Variants in SCRG1 observed in about 807,000 individuals in gnomAD.
SCRG1 encodes the protein scrapie-responsive protein 1.
Under a neutral mutation model 7.7 loss-of-function variants are expected in SCRG1, and 3 were observed. That is an observed-to-expected ratio of 0.39 (90% confidence interval 0.18 to 1.01). The LOEUF is 1.01. Among genes scored for constraint, SCRG1 ranks in the 50% least tolerant of loss-of-function variants. The pLI is 0.36. For missense variants in SCRG1, 110 were observed against 117.2 expected (o/e 0.94, Z 0.28); for synonymous variants, 46 against 41.2 (o/e 1.12, Z -0.44).
chr4:173,412,445 G>A, the SCRG1 span, among the ~76,000 whole-genome samples: 3,373 of 152,222 alleles, frequency 0.022, 114 homozygotes, highest in African/African-American at 0.072. Context: ...CCATGTTGAT[G>A]CCTTGATTCC....
chr4:173,488,234 T>C, the SCRG1 span, among the ~76,000 whole-genome samples: 3 of 152,152 alleles, frequency 2.0e-5, no homozygotes, highest in Admixed American at 2.0e-4. Context: ...TAGGAATAAG[T>C]GGCAAGTCCT....
upstream of SCRG1, among the ~76,000 whole-genome samples, chr4:173,409,329 C>T (rs1739989659): frequency 6.6e-6 from 1 of 152,080 alleles, no homozygotes; most frequent in Non-Finnish European, 1.5e-5. Flanking sequence ...CCTCTTTTTT[C>T]ATACCCCTTA....
the SCRG1 span, among the ~76,000 whole-genome samples, chr4:173,483,211 T>C: frequency 1.9e-5 from 1 of 51,902 alleles, no homozygotes; most frequent in African/African-American, 5.5e-5. Context: ...ATATGATATA[T>C]CATATAATAT....
At chr4:173,481,971 T>A in the SCRG1 span, among the ~76,000 whole-genome samples, 1 of 152,178 alleles carries the variant, frequency 6.6e-6, no homozygotes, top group African/African-American at 2.4e-5. Flanking sequence ...AACTTTTTTT[T>A]TTAATCAGCC....
upstream of SCRG1, among the ~76,000 whole-genome samples, chr4:173,402,130 T>C (rs1156739444): frequency 1.3e-5 from 2 of 152,204 alleles, no homozygotes; most frequent in African/African-American, 4.8e-5. Flanking sequence ...CTCAGGAGCC[T>C]CCCAAAGTGA....
At chr4:173,410,934 T>C (rs967235220), upstream of SCRG1, among the ~76,000 whole-genome samples, 1 of 152,202 alleles carries the variant, frequency 6.6e-6, no homozygotes, top group Non-Finnish European at 1.5e-5. Context: ...TATAGTTGTT[T>C]GACTGTCTCA....
At chr4:173,465,759 CT>C in the SCRG1 span, among the ~76,000 whole-genome samples, 1 of 151,920 alleles carries the variant, frequency 6.6e-6, no homozygotes, top group South Asian at 2.1e-4. Context: ...AATTTATATT[CT>C]TTTTTCTCCT....
chr4:173,445,653 A>G, the SCRG1 span, among the ~76,000 whole-genome samples: 1 of 150,822 alleles, frequency 6.6e-6, no homozygotes, highest in Admixed American at 6.6e-5. Context: ...ACATTTTCAC[A>G]AGACTCTTTA....
At chr4:173,450,816 A>G in the SCRG1 span, among the ~76,000 whole-genome samples, 1 of 152,206 alleles carries the variant, frequency 6.6e-6, no homozygotes, top group Non-Finnish European at 1.5e-5. Flanking sequence ...AGGTTAGCTG[A>G]GACATAAGAG....
chr4:173,449,512 T>C, the SCRG1 span, among the ~76,000 whole-genome samples: 8 of 150,222 alleles, frequency 5.3e-5, no homozygotes, highest in Non-Finnish European at 8.8e-5. Flanking sequence ...AGTCATCGTG[T>C]CTGTCTGCAG....
upstream of SCRG1, among the ~76,000 whole-genome samples, chr4:173,400,785 A>G (rs550709807): frequency 6.6e-6 from 1 of 152,312 alleles, no homozygotes; most frequent in South Asian, 2.1e-4. Context: ...TCACACACAC[A>G]GCCAGAAAAT....
intron 1 of SCRG1, among the ~76,000 whole-genome samples, chr4:173,396,712 TTGTGTGTGTG>T (rs71594043): frequency 9.3e-6 from 1 of 107,016 alleles, no homozygotes; most frequent in African/African-American, 3.9e-5. Flanking sequence ...ACTGGTAGTT[TTGTGTGTGTG>T]TGTGTGTGTG....
chr4:173,495,968 A>G, the SCRG1 span, among the ~76,000 whole-genome samples: 48 of 152,196 alleles, frequency 3.2e-4, no homozygotes, highest in Admixed American at 3.1e-3. Context: ...TTGAAGGACA[A>G]GAATCCTTCT....
At chr4:173,479,440 T>G in the SCRG1 span, among the ~76,000 whole-genome samples, 2 of 144,134 alleles carry the variant, frequency 1.4e-5, no homozygotes, top group African/African-American at 5.0e-5. Flanking sequence ...TGTTTGTTTT[T>G]TTGTTTTTTT....
At chr4:173,477,729 TC>T in the SCRG1 span, among the ~76,000 whole-genome samples, 2 of 105,518 alleles carry the variant, frequency 1.9e-5, no homozygotes, top group Admixed American at 1.9e-4. Context: ...CTTCCTTCCT[TC>T]CTTCCTTCCT....
chr4:173,477,447 T>C, the SCRG1 span, among the ~76,000 whole-genome samples: 1 of 152,134 alleles, frequency 6.6e-6, no homozygotes, highest in African/African-American at 2.4e-5. Context: ...CCAAAATGTT[T>C]TGGGGTTGGG....
At chr4:173,419,903 C>CCGGCCTTCACACCATATT in the SCRG1 span, 1 of 897,606 alleles carries the variant, frequency 1.1e-6, no homozygotes, top group African/African-American at 1.6e-5. Flanking sequence ...ATTTGTCAGG[C>CCGGCCTTCACACCATATT]CGGCCTTCAC....
At chr4:173,444,420 C>A in the SCRG1 span, among the ~76,000 whole-genome samples, 1 of 152,200 alleles carries the variant, frequency 6.6e-6, no homozygotes, top group Admixed American at 6.5e-5. Context: ...TTAGGCTTTG[C>A]AGGCACATGA....
At chr4:173,426,943 T>G in the SCRG1 span, among the ~76,000 whole-genome samples, 3 of 152,192 alleles carry the variant, frequency 2.0e-5, no homozygotes, top group African/African-American at 7.2e-5. Flanking sequence ...TGCATACTGA[T>G]GTATTTGTGA....
Sources: gnomAD v4.1 joint callset for allele counts (sites outside exome capture counted in the v4.1 genomes callset) on GRCh38, gnomAD v4.1.1 for gene constraint, MANE v1.5 for transcripts, NCBI Gene and HGNC (gene_info 2026-07-23, HGNC 2026-07-21) for gene names.